PRKN: variants seen among roughly 807,000 people sequenced by gnomAD.
PRKN encodes parkin RBR E3 ubiquitin protein ligase.
PRKN carries 56 observed loss-of-function variants against 59.5 expected under a neutral mutation model. The observed-to-expected ratio is 0.94, with a 90% CI of 0.76 to 1.18. The LOEUF is 1.18. Among genes scored for constraint, PRKN ranks in the 50% most tolerant of loss-of-function variants. The probability of loss-of-function intolerance (pLI) is 0.00; values close to 1 mark genes in which losing one functional copy is unlikely to be tolerated. For synonymous variants in PRKN, 250 were observed against 222.1 expected (o/e 1.13, Z -1.12); for missense variants, 657 against 596.4 (o/e 1.10, Z -1.06).
At chr6:161,737,615 G>GTTAT (rs1405270201) in intron 7 of PRKN, among the ~76,000 whole-genome samples, 2 of 152,174 alleles carry the variant, frequency 1.3e-5, no homozygotes, top group African/African-American at 4.8e-5. Context: ...AGTAGGCTCT[G>GTTAT]TTATTATTCC....
At chr6:161,925,568 C>G (rs1184313346) in intron 6 of PRKN, among the ~76,000 whole-genome samples, 1 of 151,728 alleles carries the variant, frequency 6.6e-6, no homozygotes. Context: ...GAGACTCCAT[C>G]TCAAAAGAAA....
At chr6:162,422,299 T>C (rs1353613354) in intron 2 of PRKN, among the ~76,000 whole-genome samples, 1 of 152,214 alleles carries the variant, frequency 6.6e-6, no homozygotes, top group East Asian at 1.9e-4. Context: ...CTGGTCCAAA[T>C]ACCATTTCTG....
chr6:161,786,053 T>C (rs1790408223), intron 6 of PRKN, 145 bp from the exon 7 acceptor site: 1 of 770,236 alleles, frequency 1.3e-6, no homozygotes, highest in Non-Finnish European at 2.2e-6. Context: ...TAAGCTCATG[T>C]ATACCAACAC....
At chr6:162,346,953 TAAC>T (rs913023202) in intron 2 of PRKN, among the ~76,000 whole-genome samples, 28 of 151,980 alleles carry the variant, frequency 1.8e-4, no homozygotes, top group Admixed American at 7.2e-4. Flanking sequence ...TATCATCCTT[TAAC>T]AACATTTTAA....
At chr6:161,365,342 A>C (rs906877548) in intron 10 of PRKN, among the ~76,000 whole-genome samples, 11 of 152,312 alleles carry the variant, frequency 7.2e-5, no homozygotes, top group Admixed American at 2.6e-4. Context: ...CAAGAGGAGC[A>C]CTCAGGGGCT....
chr6:162,353,156 C>T (rs551021002), intron 2 of PRKN, among the ~76,000 whole-genome samples: 1 of 152,258 alleles, frequency 6.6e-6, no homozygotes. Context: ...CATCGTGTGG[C>T]AGGTTGATTT....
chr6:161,953,300 G>C (rs900642878), intron 6 of PRKN, among the ~76,000 whole-genome samples: 4 of 151,916 alleles, frequency 2.6e-5, no homozygotes, highest in Non-Finnish European at 5.9e-5. Flanking sequence ...TAATAAAGAC[G>C]GGGTTTCACC....
At chr6:162,390,598 G>A (rs1261265559) in intron 2 of PRKN, among the ~76,000 whole-genome samples, 2 of 151,444 alleles carry the variant, frequency 1.3e-5, no homozygotes, top group Non-Finnish European at 2.9e-5. Context: ...CCCCCACCAC[G>A]CCTGGCTAAT....
chr6:161,387,012 CAA>C, intron 9 of PRKN, 135 bp from the exon 10 acceptor site: 2 of 755,120 alleles, frequency 2.6e-6, no homozygotes, highest in Non-Finnish European at 4.7e-6. Context: ...ACTTTTTTTG[CAA>C]AGAGAAATCA....
intron 9 of PRKN, among the ~76,000 whole-genome samples, chr6:161,532,629 T>C (rs372770172): frequency 1.9e-3 from 295 of 152,288 alleles, no homozygotes; most frequent in African/African-American, 6.6e-3. Context: ...TTTGAATAAA[T>C]GAGTTGAGGA....
intron 1 of PRKN, among the ~76,000 whole-genome samples, chr6:162,719,252 C>G (rs1329494567): frequency 6.6e-6 from 1 of 152,074 alleles, no homozygotes; most frequent in Non-Finnish European, 1.5e-5. Context: ...TGGTGAATAT[C>G]AACTGGATCA....
chr6:161,570,165 A>G (rs1457611425), intron 7 of PRKN, among the ~76,000 whole-genome samples: 2 of 140,922 alleles, frequency 1.4e-5, no homozygotes, highest in Admixed American at 7.2e-5. Context: ...ATATATATAT[A>G]TATGCACACA....
chr6:161,666,778 T>C (rs929472685), intron 7 of PRKN, among the ~76,000 whole-genome samples: 5 of 152,182 alleles, frequency 3.3e-5, no homozygotes, highest in Admixed American at 2.6e-4. Context: ...AAGTCTGATG[T>C]TGCTGCCTGG....
intron 5 of PRKN, among the ~76,000 whole-genome samples, chr6:162,052,339 G>A (rs1358069794): frequency 3.3e-5 from 5 of 151,742 alleles, no homozygotes; most frequent in Middle Eastern, 3.4e-3. Context: ...ATTTCCAATC[G>A]TTTTGTTTTG....
chr6:162,400,804 G>C (rs746527150), intron 2 of PRKN, among the ~76,000 whole-genome samples: 11 of 152,126 alleles, frequency 7.2e-5, no homozygotes, highest in Non-Finnish European at 1.5e-4. Context: ...TCCTTGAAGA[G>C]ACTGCATATC....
intron 9 of PRKN, among the ~76,000 whole-genome samples, chr6:161,489,377 T>C (rs1026794442): frequency 4.6e-5 from 7 of 151,950 alleles, no homozygotes; most frequent in African/African-American, 1.7e-4. Flanking sequence ...CTGGCCAACA[T>C]GGTGAAACCC....
chr6:161,428,822 G>T lies in PRKN; in HGVS notation c.1084-41945C>A, dbSNP rs1017178491. ...TGTATTTCAAGTCATGTTTTTGCAG[G>T]CAGATGACTGTGTAAGTCCTACATG... On this transcript the variant is annotated intron_variant, in intron 9 of 11. Transcript: ENST00000366898. This position sits in a 1 kb window ranked among gnomAD's most constrained non-coding sequence, Gnocchi z 4.0. 6.6e-6 allele frequency among the ~76,000 whole-genome samples: 1 copy of T among 152,096 alleles called. No homozygotes were observed. Among genetic ancestry groups the T allele is most frequent in the South Asian group, 2.1e-4 (1 of 4,818 alleles).
intron 4 of PRKN, among the ~76,000 whole-genome samples, chr6:162,172,026 C>T (rs1783302754): frequency 6.6e-6 from 1 of 152,156 alleles, no homozygotes; most frequent in Non-Finnish European, 1.5e-5. Flanking sequence ...TCCAAGAGGC[C>T]TGCCTCATTA....
chr6:162,513,625 G>A (rs927413641), intron 1 of PRKN, among the ~76,000 whole-genome samples: 1 of 152,158 alleles, frequency 6.6e-6, no homozygotes, highest in Non-Finnish European at 1.5e-5. Context: ...GACTGTCAAA[G>A]TTCAAGACGA....
Sources: allele counts gnomAD v4.1 joint callset (sites outside exome capture counted in the v4.1 genomes callset), GRCh38; gene constraint gnomAD v4.1.1; non-coding constraint Gnocchi (gnomAD v3.1); transcripts MANE v1.5; gene names NCBI Gene and HGNC (gene_info 2026-07-23, HGNC 2026-07-21).